Variants in TDRD12 observed in about 807,000 individuals in gnomAD.
TDRD12 encodes the protein tudor domain containing 12.
In TDRD12, 158 loss-of-function variants were observed where a neutral mutation model predicts 133.5. That is an observed-to-expected ratio of 1.18 (90% confidence interval 1.04 to 1.35). TDRD12 has a LOEUF of 1.35. Among genes scored for constraint, TDRD12 ranks in the 40% most tolerant of loss-of-function variants. The pLI, the probability that TDRD12 is intolerant of heterozygous loss-of-function variation, is 0.00. For synonymous variants in TDRD12, 460 were observed against 477.9 expected, an observed-to-expected ratio of 0.96 and a Z score of 0.49; for missense variants, 1,443 against 1,321.3, an observed-to-expected ratio of 1.09 and a Z score of -1.43.
chr19:32,795,213 A>G (rs988860107), intron 14 of TDRD12, among the ~76,000 whole-genome samples: 3 of 151,996 alleles, frequency 2.0e-5, no homozygotes, highest in African/African-American at 7.3e-5. Context: ...CATGCCTGTA[A>G]TCCCAGCTAC....
exon 10 of TDRD12, chr19:32,827,356 C>CT (rs200971396): frequency 4.0e-6 from 1 of 253,072 alleles, no homozygotes; most frequent in African/African-American, 4.6e-5. Flanking sequence ...ATAACCAAAT[C>CT]TTTTTCTTTT....
Position 32,790,597 on chromosome 19 carries a change from AC to A in TDRD12, c.1182+7del. On this transcript the variant is annotated splice_region_variant and intron_variant, in intron 12 of 27. Transcript: ENST00000444215. ...GAATCTCTGATCTCCAGCAGGTATT[AC>A]AGGCCCTAAAAAAAGTAAAATAAAA... 3 of 1,551,802 alleles carry A rather than the reference AC, an allele frequency of 1.9e-6. No individual in the cohort carries two copies. Among genetic ancestry groups the A allele is most frequent in the Non-Finnish European group, 8.7e-7 (1 of 1,147,046 alleles).
intron 8 of TDRD12, 39 bp downstream of exon 8, chr19:32,757,169 G>A (rs1568461920): frequency 2.1e-6 from 3 of 1,452,896 alleles, no homozygotes; most frequent in Admixed American, 4.2e-5. Context: ...TAGGCAGCAT[G>A]AAAAAAATAT....
intron 14 of TDRD12, chr19:32,796,198 T>G (rs943236255): frequency 7.7e-5 from 76 of 984,874 alleles, no homozygotes; most frequent in Non-Finnish European, 8.6e-5. Flanking sequence ...GCTCCACCAG[T>G]GAAAAACAGC....
chr19:32,811,232 C>A (rs1357027425), exon 24 of TDRD12: 5 of 1,535,854 alleles, frequency 3.3e-6, no homozygotes, highest in African/African-American at 1.4e-5. Flanking sequence ...GGAAGTGAAC[C>A]AAAAAGAAGA....
At chr19:32,723,251 CTA>C (rs1389506091) in intron 1 of TDRD12, among the ~76,000 whole-genome samples, 3 of 151,374 alleles carry the variant, frequency 2.0e-5, no homozygotes, top group Non-Finnish European at 4.4e-5. Context: ...TTATAGGTAA[CTA>C]TTTTGTTTTT....
At chr19:32,814,609 G>A (rs1967113755) in intron 25 of TDRD12, among the ~76,000 whole-genome samples, 2 of 152,156 alleles carry the variant, frequency 1.3e-5, no homozygotes, top group South Asian at 4.1e-4. Flanking sequence ...TTGTTGGGGG[G>A]AGAAAAGCAG....
intron 10 of TDRD12, among the ~76,000 whole-genome samples, chr19:32,773,781 A>G (rs1272828731): frequency 1.3e-5 from 2 of 152,236 alleles, no homozygotes; most frequent in Non-Finnish European, 1.5e-5. Flanking sequence ...TATAAGATTG[A>G]TGATTGGAAA....
chr19:32,777,851 A>ATATT (rs1970648600), intron 11 of TDRD12, among the ~76,000 whole-genome samples: 1 of 14,402 alleles, frequency 6.9e-5, no homozygotes, highest in Admixed American at 1.2e-3. Context: ...ATATATATAT[A>ATATT]TATATATTTT....
chr19:32,806,027 C>T (rs184108175), intron 21 of TDRD12, among the ~76,000 whole-genome samples: 17 of 151,956 alleles, frequency 1.1e-4, no homozygotes, highest in Middle Eastern at 3.4e-3. Context: ...CCACCGCACC[C>T]GGCCTCCACG....
At chr19:32,771,570 A>G (rs1970443917) in intron 8 of TDRD12, among the ~76,000 whole-genome samples, 1 of 147,452 alleles carries the variant, frequency 6.8e-6, no homozygotes, top group African/African-American at 2.5e-5. Context: ...AGATGTGGAT[A>G]TTTCTCTCCC....
chr19:32,796,802 T>C (rs1971241280), intron 14 of TDRD12, among the ~76,000 whole-genome samples: 1 of 152,112 alleles, frequency 6.6e-6, no homozygotes, highest in African/African-American at 2.4e-5. Context: ...GTCAGCCTGC[T>C]TTCAGGCCTG....
At chr19:32,810,299 T>A (rs1966958001) in intron 23 of TDRD12, 22 bp downstream of exon 23, 1 of 1,475,394 alleles carries the variant, frequency 6.8e-7, no homozygotes, top group Non-Finnish European at 8.9e-7. Context: ...GTTTACTTCA[T>A]CTGTAAAGTT....
Position 32,751,119 on chromosome 19 carries a change from C to T in TDRD12, c.582+1250C>T, listed in dbSNP as rs186666803. Among the ~76,000 whole-genome samples, 962 of 145,906 alleles carry T rather than the reference C, an allele frequency of 6.6e-3. 6 individuals are homozygous for T. Among genetic ancestry groups the T allele is most frequent in the Non-Finnish European group, 9.6e-3 (629 of 65,826 alleles). ...CTCTCCCTCCCCCCTCCCCACCCCC[C>T]GACAGGCCCCAGTGTGTGTTGTTTC... is the stretch of plus-strand genomic sequence containing the variant. On this transcript the variant is annotated intron_variant, in intron 6 of 27. Transcript: ENST00000444215.
chr19:32,811,474 A>G (rs1055470186), intron 24 of TDRD12, 54 bp downstream of exon 24: 15 of 1,437,586 alleles, frequency 1.0e-5, no homozygotes, highest in Middle Eastern at 1.7e-4. Context: ...TATTTAACCG[A>G]GAATATACAC....
At position 32,748,543 on chromosome 19, in the gene TDRD12, C is replaced by T. The variant is rs1010094913; in HGVS notation, c.496+12C>T. On this transcript the variant is annotated intron_variant, in intron 5 of 27. Coordinates refer to ENST00000444215, the Ensembl canonical transcript of TDRD12. ...GAACCTTCTGAAAGGTAAGCCAGTG[C>T]CTGATCACTGCAGCCTGCCTGGAAG... The T allele has an allele frequency of 7.1e-6, 11 of 1,549,806 alleles. No homozygotes were observed. The African/African-American group carries it at 1.1e-4, about 15-fold the overall frequency.
At chr19:32,768,256 C>G (rs1314860964) in intron 8 of TDRD12, among the ~76,000 whole-genome samples, 1 of 152,108 alleles carries the variant, frequency 6.6e-6, no homozygotes, top group Non-Finnish European at 1.5e-5. Flanking sequence ...GCCACACTCC[C>G]CAGCACAGAG....
intron 6 of TDRD12, among the ~76,000 whole-genome samples, chr19:32,755,680 C>A (rs1404550065): frequency 3.3e-5 from 5 of 152,220 alleles, no homozygotes; most frequent in Admixed American, 3.3e-4. Flanking sequence ...AACAGTCTTT[C>A]CTTTGATGGT....
intron 1 of TDRD12, among the ~76,000 whole-genome samples, chr19:32,724,395 G>A (rs1163737830): frequency 2.0e-5 from 3 of 151,868 alleles, no homozygotes; most frequent in African/African-American, 7.3e-5. Flanking sequence ...CTGTCCCATA[G>A]GCCCCAGTGT....
Sources: allele counts gnomAD v4.1 joint callset (sites outside exome capture counted in the v4.1 genomes callset), GRCh38; gene constraint gnomAD v4.1.1; transcripts MANE v1.5; gene names NCBI Gene and HGNC (gene_info 2026-07-23, HGNC 2026-07-21).